Variants in NRG3 observed in about 807,000 individuals in gnomAD.
The protein encoded by NRG3 is neuregulin 3.
A neutral mutation model predicts 66.9 loss-of-function variants in NRG3; 31 were observed. The ratio of observed to expected loss-of-function variants is 0.46; its 90% CI spans 0.35 to 0.63. The LOEUF is 0.63. NRG3 is among the 20% of genes least tolerant of loss of function. The pLI is 0.00. For missense variants in NRG3, 910 were observed against 878.9 expected (o/e 1.04, Z -0.45); for synonymous variants, 393 against 359.4 (o/e 1.09, Z -1.06).
rs56840714 is a variant in NRG3 at position 82,586,240 on chromosome 10, T to TA, written c.954-152323dup. Among the ~76,000 whole-genome samples, 935 of 144,144 alleles carry TA rather than the reference T, an allele frequency of 6.5e-3. 4 individuals are homozygous for TA. The highest frequency in any genetic ancestry group is 9.3e-3 in the African/African-American group (374 of 40,060). The allele number at this position is 144,144 out of a possible 152,430, so 94.6% of individuals were successfully genotyped here. ...AATCTAAAATAAAAGTTGAAATTAT[T>TA]AAAAAAAAAAAAAACAAGAAAACGA... On this transcript the variant is annotated intron_variant, in intron 2 of 8. Transcript: ENST00000372141.
intron 2 of NRG3, among the ~76,000 whole-genome samples, chr10:82,527,797 C>T (rs1323329197): frequency 6.6e-6 from 1 of 152,076 alleles, no homozygotes; most frequent in African/African-American, 2.4e-5. Flanking sequence ...TCTTTACCTC[C>T]CTCTCTCCGT....
chr10:82,153,105 T>C (rs1297979720), intron 1 of NRG3, among the ~76,000 whole-genome samples: 1 of 152,100 alleles, frequency 6.6e-6, no homozygotes, highest in East Asian at 1.9e-4. Flanking sequence ...ATTTTAGCTA[T>C]GTAATATATT....
intron 4 of NRG3, among the ~76,000 whole-genome samples, chr10:82,938,092 T>C (rs1414955308): frequency 2.6e-5 from 4 of 152,338 alleles, no homozygotes; most frequent in African/African-American, 9.6e-5. Context: ...TAAAGCGAAT[T>C]TCTCCCTTGA....
In NRG3 at chr10:82,865,449, C is replaced by T. The variant is rs1178297691; in HGVS notation, c.1054+12C>T. ...GATTGAATTCATGGGTAAGACTAAA[C>T]AATTTGCTCATTTAATATCCTGGAA... On this transcript the variant is annotated intron_variant, in intron 4 of 8. Transcript: ENST00000372141. 1.9e-6 allele frequency: 3 copies of T among 1,611,450 alleles called. No individual in the cohort carries two copies. The highest frequency in any genetic ancestry group is 2.5e-6 in the Non-Finnish European group (3 of 1,178,362).
chr10:82,545,763 C>T (rs531020493), intron 2 of NRG3, among the ~76,000 whole-genome samples: 1 of 143,136 alleles, frequency 7.0e-6, no homozygotes, highest in African/African-American at 2.6e-5. Context: ...TTTTATTGAT[C>T]GTAATATATA....
At chr10:82,566,894 C>T (rs1450175791) in intron 2 of NRG3, among the ~76,000 whole-genome samples, 2 of 151,962 alleles carry the variant, frequency 1.3e-5, no homozygotes, top group African/African-American at 4.8e-5. Context: ...TGTTGTTTTG[C>T]TCTGCTGTGG....
At chr10:82,922,547 A>C (rs1846540241) in intron 4 of NRG3, among the ~76,000 whole-genome samples, 1 of 152,110 alleles carries the variant, frequency 6.6e-6, no homozygotes, top group Non-Finnish European at 1.5e-5. Context: ...ACCCACCCTC[A>C]TCTTGATAAA....
chr10:82,765,923 A>T lies in NRG3; in HGVS notation c.1027+27273A>T, dbSNP rs530626675. 2.3e-3 allele frequency among the ~76,000 whole-genome samples: 356 copies of T among 152,284 alleles called. 5 individuals carry two copies. The highest frequency in any genetic ancestry group is 8.3e-3 in the African/African-American group (343 of 41,570). On this transcript the variant is annotated intron_variant, in intron 3 of 8. Transcript: ENST00000372141. ...GTAATAAAATTTAATATCAGATTTG[A>T]TTTCCACTCAGAATTTGTGTGTTTA... is the stretch of plus-strand genomic sequence containing the variant.
At chr10:82,778,700 T>C (rs1280798130) in intron 3 of NRG3, among the ~76,000 whole-genome samples, 1 of 152,118 alleles carries the variant, frequency 6.6e-6, no homozygotes, top group Non-Finnish European at 1.5e-5. Context: ...CAAGTATGGC[T>C]TCTTGGCTGG....
intron 1 of NRG3, among the ~76,000 whole-genome samples, chr10:82,130,516 CTT>C (rs2068745573): frequency 6.6e-6 from 1 of 151,998 alleles, no homozygotes; most frequent in Non-Finnish European, 1.5e-5. Flanking sequence ...GTGGATATCT[CTT>C]TGATATACTG....
intron 2 of NRG3, among the ~76,000 whole-genome samples, chr10:82,568,273 G>T (rs1196094389): frequency 6.6e-6 from 1 of 151,792 alleles, no homozygotes; most frequent in Non-Finnish European, 1.5e-5. Flanking sequence ...CAGCATTACA[G>T]GAGCAGTTTA....
intron 2 of NRG3, among the ~76,000 whole-genome samples, chr10:82,529,645 C>A (rs1031270823): frequency 6.6e-6 from 1 of 152,080 alleles, no homozygotes; most frequent in African/African-American, 2.4e-5. Context: ...TGTACTTGAG[C>A]AAAATGTTTC....
At position 82,928,061 on chromosome 10, in the gene NRG3, T is replaced by C. The variant is rs942215753; in HGVS notation, c.1055-23408T>C. On this transcript the variant is annotated intron_variant, in intron 4 of 8. Transcript: ENST00000372141. ...CTAACTGGTATGAGATTGTATCTCA[T>C]TGCAGTTTTGATTTGCATTTCTCTA... 2.2e-4 allele frequency among the ~76,000 whole-genome samples: 33 copies of C among 152,362 alleles called. No individual in the cohort carries two copies. In the Middle Eastern group the frequency reaches 0.01, roughly 47 times the overall value.
intron 1 of NRG3, among the ~76,000 whole-genome samples, chr10:82,236,710 C>CTTTTTTTTTTTTTTTTTTTTTT (rs370359467): frequency 1.1e-5 from 1 of 93,508 alleles, no homozygotes. Flanking sequence ...AAAACTAGAA[C>CTTTTTTTTTTTTTTTTTTTTTT]TTTTTTTTTT....
chr10:82,708,066 G>T (rs936089269), intron 2 of NRG3, among the ~76,000 whole-genome samples: 55 of 152,012 alleles, frequency 3.6e-4, no homozygotes, highest in African/African-American at 1.3e-3. Flanking sequence ...TTACATGTTT[G>T]GGTACTGTTA....
chr10:82,815,814 G>T (rs342394), intron 3 of NRG3, among the ~76,000 whole-genome samples: 9 of 151,990 alleles, frequency 5.9e-5, no homozygotes, highest in African/African-American at 1.5e-4. Flanking sequence ...ACCTGCTAAG[G>T]GTGAGCCAGG....
chr10:82,005,178 C>A (rs7097957), intron 1 of NRG3, among the ~76,000 whole-genome samples: 4,575 of 152,220 alleles, frequency 0.03, 243 homozygotes, highest in African/African-American at 0.11. Flanking sequence ...GTTTCCTTGG[C>A]AAAAGCCTTG....
chr10:82,853,465 C>T (rs1301314496), intron 3 of NRG3, among the ~76,000 whole-genome samples: 1 of 152,124 alleles, frequency 6.6e-6, no homozygotes, highest in African/African-American at 2.4e-5. Flanking sequence ...TCTATGATTT[C>T]TTTCAGCAGT....
At position 82,130,314 on chromosome 10, in the gene NRG3, G is replaced by T. The variant is rs991020933; in HGVS notation, c.824-228425G>T. On this transcript the variant is annotated intron_variant, in intron 1 of 8. Transcript: ENST00000372141. ...GCATATGTATACATGTGCCTTGTTG[G>T]TGTGCTGCACCCATTAACTCGTCAT... Among the ~76,000 whole-genome samples, 4 of 151,878 alleles carry T rather than the reference G, an allele frequency of 2.6e-5. No homozygotes were observed. In the East Asian group the frequency reaches 7.8e-4, roughly 29 times the overall value.
Sources: gnomAD v4.1 joint callset for allele counts (sites outside exome capture counted in the v4.1 genomes callset) on GRCh38, gnomAD v4.1.1 for gene constraint, MANE v1.5 for transcripts, NCBI Gene and HGNC (gene_info 2026-07-23, HGNC 2026-07-21) for gene names.